The following GLI3 variants were observed in gnomAD, a reference collection of about 807,000 sequenced individuals.
GLI3 encodes the protein transcription activator GLI3.
In GLI3, 20 loss-of-function variants were observed where a neutral mutation model predicts 100.8. That is an observed-to-expected ratio of 0.20 (90% CI 0.14 to 0.29). The LOEUF is 0.29. GLI3 is among the 10% of genes least tolerant of loss of function. The probability of loss-of-function intolerance (pLI) is 1.00; values close to 1 mark genes in which losing one functional copy is unlikely to be tolerated. For synonymous variants in GLI3, 938 were observed against 860.5 expected (o/e 1.09, Z -1.58); for missense variants, 2,040 against 2,128.5 (o/e 0.96, Z 0.82).
chr7:42,175,273 G>A (rs1325374888), intron 2 of GLI3, among the ~76,000 whole-genome samples: 1 of 152,198 alleles, frequency 6.6e-6, no homozygotes, highest in Non-Finnish European at 1.5e-5. Context: ...CGGTCCAGTT[G>A]TATAAGCTGA....
At position 41,962,882 on chromosome 7, in the gene GLI3, A is replaced by G. The variant is rs1329338872; in HGVS notation, c.*1448T>C. On this transcript the variant is annotated 3_prime_UTR_variant, in exon 15 of 15. Coordinates refer to ENST00000395925, the MANE Select transcript of GLI3 (RefSeq NM_000168.6). ...AGGTGTTAATATTTTAACAGTTTAT[A>G]TAATTTTTTAAAGCAATATGCTGGA... is the stretch of plus-strand genomic sequence containing the variant. 6.6e-6 allele frequency: 1 copy of G among 152,226 alleles called. No individual in the cohort carries two copies. Among genetic ancestry groups the G allele is most frequent in the Non-Finnish European group, 1.5e-5 (1 of 68,038 alleles). The allele number at this position is 152,226 out of a possible 1,614,324, so 9.4% of individuals were successfully genotyped here.
chr7:42,155,146 T>C (rs1001263364), intron 2 of GLI3, among the ~76,000 whole-genome samples: 1 of 152,046 alleles, frequency 6.6e-6, no homozygotes, highest in Non-Finnish European at 1.5e-5. Flanking sequence ...AAGTAGAAAA[T>C]GCTCTCCATC....
intron 3 of GLI3, 56 bp downstream of exon 3, chr7:42,148,167 ACAC>A: frequency 6.5e-7 from 1 of 1,545,066 alleles, no homozygotes; most frequent in South Asian, 1.2e-5. Flanking sequence ...ACACACACAC[ACAC>A]ACACACAGCC....
At chr7:42,182,660 A>ATACATGTGTG (rs1554337056) in intron 2 of GLI3, among the ~76,000 whole-genome samples, 3 of 59,136 alleles carry the variant, frequency 5.1e-5, no homozygotes, top group African/African-American at 2.9e-4. Context: ...ATATATATAT[A>ATACATGTGTG]TATATATATA....
intron 2 of GLI3, among the ~76,000 whole-genome samples, chr7:42,216,887 G>A (rs1163727961): frequency 6.6e-6 from 1 of 152,184 alleles, no homozygotes; most frequent in Admixed American, 6.5e-5. Context: ...ATCTACTTCT[G>A]AACATATCAG....
At chr7:42,058,052 T>C (rs540166484) in intron 4 of GLI3, among the ~76,000 whole-genome samples, 5 of 151,794 alleles carry the variant, frequency 3.3e-5, no homozygotes, top group Non-Finnish European at 7.4e-5. Flanking sequence ...ATAAAAAATA[T>C]GTAATAAAAA....
At chr7:42,254,691 T>A (rs6946964) in intron 1 of GLI3, among the ~76,000 whole-genome samples, 12,810 of 151,274 alleles carry the variant, frequency 0.085, 1,803 homozygotes, top group African/African-American at 0.29. Context: ...AAAATCCAAA[T>A]TTTTTTCTGT....
chr7:42,059,695 T>C (rs1784529605), intron 4 of GLI3, among the ~76,000 whole-genome samples: 1 of 152,198 alleles, frequency 6.6e-6, no homozygotes, highest in Non-Finnish European at 1.5e-5. Context: ...GCTGCTCTCA[T>C]TGGTTGGATT....
chr7:42,091,890 AG>A, intron 3 of GLI3, among the ~76,000 whole-genome samples: 1 of 152,358 alleles, frequency 6.6e-6, no homozygotes, highest in South Asian at 2.1e-4. Flanking sequence ...TTTAGTCCCC[AG>A]TTAAATACCT....
intron 6 of GLI3, among the ~76,000 whole-genome samples, chr7:42,043,695 T>C (rs1386909462): frequency 6.6e-6 from 1 of 152,228 alleles, no homozygotes; most frequent in Non-Finnish European, 1.5e-5. Flanking sequence ...TAAAATTCCT[T>C]TAATTAGTTT....
At chr7:42,126,956 G>A (rs1004006438) in intron 3 of GLI3, among the ~76,000 whole-genome samples, 5 of 152,160 alleles carry the variant, frequency 3.3e-5, no homozygotes, top group African/African-American at 1.2e-4. Flanking sequence ...ACCCAATGAC[G>A]AGCGTCAGTC....
intron 10 of GLI3, among the ~76,000 whole-genome samples, chr7:42,007,338 T>C (rs1788486688): frequency 6.6e-6 from 1 of 152,028 alleles, no homozygotes; most frequent in Admixed American, 6.5e-5. Context: ...TGTCATCTCT[T>C]ATGTGCTTGA....
chr7:42,241,632 G>A (rs569259358), upstream of GLI3, among the ~76,000 whole-genome samples: 160 of 152,276 alleles, frequency 1.1e-3, no homozygotes, highest in African/African-American at 3.5e-3. Flanking sequence ...CTCAGCACCC[G>A]CGTAACTTGT....
In GLI3 at chr7:42,223,282, C is replaced by A. The variant is rs367998888; in HGVS notation, c.-29G>T. Reference sequence around the variant, plus strand: ...GTCTTCTCATTACTTCAGCTCTCTTCGACCAAAAATGCCCTAAAGAAAACA... The same window carrying A: ...GTCTTCTCATTACTTCAGCTCTCTTAGACCAAAAATGCCCTAAAGAAAACA... On this transcript the variant is annotated 5_prime_UTR_variant, in exon 2 of 15. Coordinates refer to ENST00000395925, the MANE Select transcript of GLI3 (RefSeq NM_000168.6). 1.2e-6 allele frequency: 2 copies of A among 1,606,108 alleles called. No homozygotes were observed. Among genetic ancestry groups the A allele is most frequent in the Non-Finnish European group, 1.7e-6 (2 of 1,174,712 alleles).
intron 1 of GLI3, among the ~76,000 whole-genome samples, chr7:42,262,532 T>C (rs1376917731): frequency 6.6e-6 from 1 of 152,154 alleles, no homozygotes; most frequent in Non-Finnish European, 1.5e-5. Flanking sequence ...AGTACTGGGA[T>C]TACAGGCCTG....
At chr7:42,045,652 G>A in intron 5 of GLI3, 122 bp from the exon 6 acceptor site, 1 of 821,924 alleles carries the variant, frequency 1.2e-6, no homozygotes, top group Non-Finnish European at 2.0e-6. Context: ...GCTTATTAGA[G>A]TAAAGCTCCT....
At position 42,255,288 on chromosome 7, in the gene GLI3, G is replaced by A. The variant is rs76820864; in HGVS notation, c.-43+8706C>T. Reference sequence around the variant, plus strand: ...GGTCATCCTGTTACACTCTCTCATAGCACTGCCAGCCTTATCATTGTTTTA... The same window carrying A: ...GGTCATCCTGTTACACTCTCTCATAACACTGCCAGCCTTATCATTGTTTTA... On this transcript the variant is annotated intron_variant, in intron 1 of 2. Transcript: ENST00000678978. Among the ~76,000 whole-genome samples, 773 of 152,144 alleles carry A rather than the reference G, an allele frequency of 5.1e-3. 8 individuals carry two copies. Among genetic ancestry groups the A allele is most frequent in the African/African-American group, 0.018 (733 of 41,504 alleles).
intron 1 of GLI3, among the ~76,000 whole-genome samples, chr7:42,253,957 C>A (rs541082472): frequency 1.3e-5 from 2 of 152,142 alleles, no homozygotes; most frequent in African/African-American, 4.8e-5. Context: ...TGATGGTTCA[C>A]GCCTGTAATC....
At chr7:42,184,433 C>A (rs1787679108) in intron 2 of GLI3, among the ~76,000 whole-genome samples, 1 of 152,172 alleles carries the variant, frequency 6.6e-6, no homozygotes, top group Non-Finnish European at 1.5e-5. Flanking sequence ...CCACCTGGTA[C>A]CTTCATGTTC....
Sources: allele counts gnomAD v4.1 joint callset (sites outside exome capture counted in the v4.1 genomes callset), GRCh38; gene constraint gnomAD v4.1.1; transcripts MANE v1.5; gene names NCBI Gene and HGNC (gene_info 2026-07-23, HGNC 2026-07-21).